Variants in HIP1R observed in about 807,000 individuals in gnomAD.
HIP1R encodes huntingtin-interacting protein 1-related protein.
HIP1R carries 135 observed loss-of-function variants against 144.2 expected under a neutral mutation model. The observed-to-expected ratio is 0.94, with a 90% CI of 0.81 to 1.08. The LOEUF is 1.08. Ranked by LOEUF, HIP1R falls within the 50% of genes least tolerant of loss-of-function variation. The pLI is 0.00. For synonymous variants in HIP1R, 698 were observed against 612.8 expected (o/e 1.14, Z -2.05); for missense variants, 1,462 against 1,432.8 (o/e 1.02, Z -0.33).
chr12:122,855,054 C>T lies in HIP1R; in HGVS notation c.778C>T (p.Leu260Phe), dbSNP rs754379342. ...RDRFHEQFHS[L>F]RNFFRRASDM... The stretch of plus-strand genomic sequence containing the variant: ...CCGAACTTCCCACCATCTCTGCAGC[C>T]TCAGGAACTTCTTCCGCAGAGCCTC... The change falls in exon 10 of 32, where the codon CTC becomes TTC. Residue 260 changes from leucine to phenylalanine, a missense_variant and splice_region_variant. By Grantham distance (22) the Leu-to-Phe change is conservative. Around this residue, in one of 2 missense-constraint regions of HIP1R, gnomAD observed 350 missense variants for 421.1 expected, o/e 0.83. Transcript: ENST00000253083. 48 of 1,613,834 alleles carry T rather than the reference C, an allele frequency of 3.0e-5. No individual in the cohort carries two copies. Among genetic ancestry groups the T allele is most frequent in the Non-Finnish European group, 4.0e-5 (47 of 1,180,020 alleles).
rs2033743607 is a variant in HIP1R at position 122,860,715 on chromosome 12, G to GT, written c.2698dup (p.Tyr900LeufsTer2). ...ACAAGGTGGTGCTTCACACGGGCAA[G>GT]TATGAGGAGCTCATCGTCTGCTCCC... On this transcript the variant is annotated frameshift_variant, in exon 28 of 32. Transcript: ENST00000253083. LOFTEE classifies it high-confidence loss of function. 6.2e-7 allele frequency: 1 copy of GT among 1,613,292 alleles called. No individual in the cohort carries two copies. The highest frequency in any genetic ancestry group is 1.7e-5 in the Admixed American group (1 of 60,000).
In HIP1R at chr12:122,836,725, G is replaced by A. The variant is rs954310115; in HGVS notation, c.93+1082G>A. 6.6e-6 allele frequency among the ~76,000 whole-genome samples: 1 copy of A among 152,150 alleles called. No individual in the cohort carries two copies. The highest frequency in any genetic ancestry group is 1.5e-5 in the Non-Finnish European group (1 of 68,038). On this transcript the variant is annotated intron_variant, in intron 1 of 31. Transcript: ENST00000253083. This position sits in a 1 kb window ranked among gnomAD's most constrained non-coding sequence, Gnocchi z 4.1. Reference sequence around the variant, plus strand: ...TTTGTGGCGGCTATTTGCAAGTTCCGTCCCACTTGTCCTTGCAGAGAGCTA... The same window carrying A: ...TTTGTGGCGGCTATTTGCAAGTTCCATCCCACTTGTCCTTGCAGAGAGCTA...
In HIP1R at chr12:122,860,573, G is replaced by T. The variant is rs745318371; in HGVS notation, c.2660+50G>T. ...GCAGGGGGCTGCTTCCTGCCAGTTG[G>T]AGCAGTTTGGGGTTCAACAGGGTGC... On this transcript the variant is annotated intron_variant, in intron 27 of 31. Coordinates refer to ENST00000253083, the MANE Select transcript of HIP1R (RefSeq NM_003959.3). 24 of 1,582,354 alleles carry T rather than the reference G, an allele frequency of 1.5e-5. No individual in the cohort carries two copies. The East Asian group carries it at 5.1e-4, about 34-fold the overall frequency.
chr12:122,861,147 C>A lies in HIP1R; in HGVS notation c.2907C>A (p.Ser969=). Residue 969 remains serine, a synonymous_variant, in exon 30 of 32, where the codon TCC becomes TCA. Coordinates refer to ENST00000253083, the MANE Select transcript of HIP1R (RefSeq NM_003959.3). ...QIEDRDTMDF[S]GLSLIKLKKQ... ...CGGCCACAGACACCATGGATTTCTC[C>A]GGCCTGTCCCTCATCAAGCTGAAGA... 6.2e-7 allele frequency: 1 copy of A among 1,613,312 alleles called. No individual in the cohort carries two copies. The highest frequency in any genetic ancestry group is 8.5e-7 in the Non-Finnish European group (1 of 1,179,988).
chr12:122,851,934 C>A lies in HIP1R; in HGVS notation c.577+637C>A, dbSNP rs1423794999. ...CCCCAGCCTTGGGCCATCTGCAGAG[C>A]CCAGCTGGAAGAAAGGTTTGGGTCG... On this transcript the variant is annotated intron_variant, in intron 7 of 31. Transcript: ENST00000253083. Among the ~76,000 whole-genome samples, 5 of 152,310 alleles carry A rather than the reference C, an allele frequency of 3.3e-5. No homozygotes were observed. In the East Asian group the frequency reaches 9.6e-4, roughly 29 times the overall value.
chr12:122,854,105 GC>G lies in HIP1R; in HGVS notation c.646del (p.Leu216SerfsTer89), dbSNP rs1228503389. 6.2e-7 allele frequency: 1 copy of G among 1,613,806 alleles called. No homozygotes were observed. Among genetic ancestry groups the G allele is most frequent in the Admixed American group, 1.7e-5 (1 of 60,012 alleles). On this transcript the variant is annotated frameshift_variant, in exon 8 of 32. Coordinates refer to ENST00000253083, the MANE Select transcript of HIP1R (RefSeq NM_003959.3). LOFTEE classifies it high-confidence loss of function. The part of the protein sequence containing the change: ...SQMSSGQCRL[A>X]PLIQVIQDCS... ...GATGTCCTCAGGCCAGTGCCGCCTGGCCCCCCTCATCCAGGTCATCCAGGAC... is the reference window on the plus strand; with the variant it reads ...GATGTCCTCAGGCCAGTGCCGCCTGGCCCCCTCATCCAGGTCATCCAGGAC...
At chr12:122,861,061 G>A in intron 29 of HIP1R, 22 bp downstream of exon 29, 1 of 1,613,618 alleles carries the variant, frequency 6.2e-7, no homozygotes, top group Non-Finnish European at 8.5e-7. Flanking sequence ...ATGCCAACGG[G>A]GGCTGCTGGC....
At chr12:122,843,680 G>T (rs1035212344) in intron 1 of HIP1R, among the ~76,000 whole-genome samples, 17 of 152,144 alleles carry the variant, frequency 1.1e-4, no homozygotes, top group African/African-American at 3.9e-4. Flanking sequence ...TGAGCAGGTG[G>T]CCCCTGGGGC....
At position 122,856,608 on chromosome 12, in the gene HIP1R, A is replaced by G. The variant is rs1566111837; in HGVS notation, c.1519-17A>G. ...ATCCCCAGCCCACTGCCCCAGTGAC[A>G]CGCTGTCCTGTCCCAGCTAGAGGAG... On this transcript the variant is annotated splice_polypyrimidine_tract_variant and intron_variant, in intron 16 of 31. Transcript: ENST00000253083. The G allele has an allele frequency of 6.2e-7, 1 of 1,600,852 alleles. No homozygotes were observed. Among genetic ancestry groups the G allele is most frequent in the Admixed American group, 1.7e-5 (1 of 57,928 alleles).
At position 122,836,197 on chromosome 12, in the gene HIP1R, T is replaced by G. The variant is rs866257012; in HGVS notation, c.93+554T>G. 6.6e-5 allele frequency among the ~76,000 whole-genome samples: 10 copies of G among 152,080 alleles called. No individual in the cohort carries two copies. The South Asian group carries it at 2.1e-3, about 32-fold the overall frequency. The stretch of plus-strand genomic sequence containing the variant: ...TCCTTAAACTCCCAGCTTCCTTCTC[T>G]CGTGAGCGGTTTCCCAGGGCTGCAC... On this transcript the variant is annotated intron_variant, in intron 1 of 31. Transcript: ENST00000253083. The surrounding 1 kb of genome is among the most constrained non-coding windows in gnomAD (Gnocchi z 4.1).
At chr12:122,859,952 C>G in intron 24 of HIP1R, 95 bp from the exon 25 acceptor site, 6 of 1,459,446 alleles carry the variant, frequency 4.1e-6, no homozygotes, top group Non-Finnish European at 4.6e-6. Context: ...GACACTCCCT[C>G]CCCACCTGCT....
At chr12:122,857,518 A>G (rs2033625092) in intron 18 of HIP1R, 1 of 519,262 alleles carries the variant, frequency 1.9e-6, no homozygotes, top group Non-Finnish European at 3.5e-6. Flanking sequence ...GGCTGTTGTA[A>G]ATAGTGCTGC....
Position 122,855,100 on chromosome 12 carries a change from G to A in HIP1R, c.824G>A (p.Arg275Gln), listed in dbSNP as rs1214580241. Residue 275 changes from arginine to glutamine, a missense_variant, in exon 10 of 32, where the codon CGG becomes CAG. Physicochemically the swap from Arg to Gln is conservative, Grantham distance 43. This residue lies in a region of HIP1R where 350 missense variants were observed against 421.1 expected (regional missense o/e 0.83). Coordinates refer to ENST00000253083, the MANE Select transcript of HIP1R (RefSeq NM_003959.3). ...RRASDMLYFK[R>Q]LIQIPRLPEG... ...GCCTCCGACATGCTGTACTTCAAGCGGCTCATCCAGATCCCCCGGCTGCCC... is the reference window on the plus strand; with the variant it reads ...GCCTCCGACATGCTGTACTTCAAGCAGCTCATCCAGATCCCCCGGCTGCCC... The A allele has an allele frequency of 5.6e-6, 9 of 1,613,662 alleles. No homozygotes were observed. The highest frequency in any genetic ancestry group is 2.7e-5 in the African/African-American group (2 of 74,934).
chr12:122,844,646 T>A (rs1446198612), intron 1 of HIP1R, among the ~76,000 whole-genome samples: 1 of 152,252 alleles, frequency 6.6e-6, no homozygotes, highest in Non-Finnish European at 1.5e-5. Flanking sequence ...CCCTGCCTCT[T>A]GGGAGCTGGA....
intron 1 of HIP1R, among the ~76,000 whole-genome samples, chr12:122,845,421 G>A (rs896408544): frequency 2.0e-5 from 3 of 152,204 alleles, no homozygotes; most frequent in African/African-American, 4.8e-5. Context: ...CACCCTGCCC[G>A]GGAGGGCCCT....
chr12:122,848,162 G>A, intron 2 of HIP1R, 68 bp downstream of exon 2: 1 of 1,531,522 alleles, frequency 6.5e-7, no homozygotes, highest in Non-Finnish European at 9.0e-7. Context: ...TGCTGCAGGT[G>A]GCCTGCGGTC....
chr12:122,858,501 C>T, intron 20 of HIP1R, 66 bp downstream of exon 20: 4 of 1,344,130 alleles, frequency 3.0e-6, no homozygotes, highest in Non-Finnish European at 4.1e-6. Context: ...ATGGCCACCT[C>T]TTGCCTTTTG....
At chr12:122,852,310 G>A (rs1372941960) in intron 7 of HIP1R, among the ~76,000 whole-genome samples, 1 of 152,230 alleles carries the variant, frequency 6.6e-6, no homozygotes, top group African/African-American at 2.4e-5. Context: ...GCCTGCTCAG[G>A]ATCTGACATG....
rs886717432 is a variant in HIP1R, at chr12:122,840,467, A to G, written c.93+4824A>G. On this transcript the variant is annotated intron_variant, in intron 1 of 31. Transcript: ENST00000253083. This position sits in a 1 kb window ranked among gnomAD's most constrained non-coding sequence, Gnocchi z 4.2. ...CTCTGTCCCTTCACCACTCTGCCTC[A>G]GTTTCCTTATCTACAAAATGGGGGC... is the stretch of plus-strand genomic sequence containing the variant. 3.3e-5 allele frequency among the ~76,000 whole-genome samples: 5 copies of G among 152,200 alleles called. No homozygotes were observed. In the East Asian group the frequency reaches 5.8e-4, roughly 18 times the overall value.
Sources: gnomAD v4.1 joint callset for allele counts (sites outside exome capture counted in the v4.1 genomes callset) on GRCh38, gnomAD v4.1.1 for gene constraint, gnomAD v4.1.1 regional missense constraint, Gnocchi (gnomAD v3.1) non-coding constraint, MANE v1.5 for transcripts, NCBI Gene and HGNC (gene_info 2026-07-23, HGNC 2026-07-21) for gene names.